SOD2: variants seen among roughly 807,000 people sequenced by gnomAD.
The protein encoded by SOD2 is superoxide dismutase [Mn], mitochondrial.
In SOD2, 11 loss-of-function variants were observed where a neutral mutation model predicts 27.0. The observed-to-expected ratio is 0.41, with a 90% CI of 0.26 to 0.67. SOD2 has a LOEUF of 0.67. Ranked by LOEUF, SOD2 falls within the 30% of genes least tolerant of loss-of-function variation. The pLI is 0.34. For synonymous variants in SOD2, 105 were observed against 103.0 expected (o/e 1.02, Z -0.12); for missense variants, 250 against 274.5 (o/e 0.91, Z 0.63).
rs978169915 is a variant in SOD2 at position 159,678,602 on chromosome 6, T to G, written c.*3891A>C. The G allele has an allele frequency of 6.6e-6, 1 of 152,218 alleles. No individual in the cohort carries two copies. Among genetic ancestry groups the G allele is most frequent in the Non-Finnish European group, 1.5e-5 (1 of 68,036 alleles). 9.4% of individuals were successfully genotyped at this position (152,218 alleles called of 1,614,324 possible). The stretch of plus-strand genomic sequence containing the variant: ...TAACCAATATGTAGTTTTAATAAAG[T>G]AATAAAATTAAAAATGGGTAAACAT... On this transcript the variant is annotated 3_prime_UTR_variant, in exon 5 of 5. Transcript: ENST00000538183.
upstream of SOD2, among the ~76,000 whole-genome samples, chr6:159,731,642 T>G (rs1190862370): frequency 6.6e-6 from 1 of 152,154 alleles, no homozygotes; most frequent in Non-Finnish European, 1.5e-5. Flanking sequence ...GAGTCTGTGT[T>G]TTTGATGGGG....
chr6:159,734,911 T>C (rs1245020869), intron 1 of SOD2, among the ~76,000 whole-genome samples: 2 of 152,184 alleles, frequency 1.3e-5, no homozygotes, highest in African/African-American at 4.8e-5. Context: ...TCTTTGTCTT[T>C]TTTTTGTGTG....
chr6:159,733,689 A>G (rs1421913932), intron 1 of SOD2, among the ~76,000 whole-genome samples: 4 of 151,814 alleles, frequency 2.6e-5, no homozygotes, highest in Non-Finnish European at 5.9e-5. Flanking sequence ...TGAGGTGGGC[A>G]GATCACCTGA....
At chr6:159,755,455 T>C in intron 1 of SOD2, 1 of 1,614,144 alleles carries the variant, frequency 6.2e-7, no homozygotes, top group Non-Finnish European at 8.5e-7. Flanking sequence ...CCACGGGCAG[T>C]GAAAACTCTC....
At chr6:159,732,886 A>AGTGTGTGTGTGTGTGTGTGTGT (rs67554039) in intron 1 of SOD2, among the ~76,000 whole-genome samples, 75 of 146,486 alleles carry the variant, frequency 5.1e-4, no homozygotes, top group African/African-American at 1.8e-3. Context: ...ATATATATAT[A>AGTGTGTGTGTGTGTGTGTGTGT]GTGTGTGTGT....
chr6:159,694,761 A>ATTTT (rs34851405), upstream of SOD2, among the ~76,000 whole-genome samples: 9 of 140,552 alleles, frequency 6.4e-5, no homozygotes, highest in African/African-American at 2.1e-4. Context: ...ACGCCCCACT[A>ATTTT]TTTTTTTTTT....
At chr6:159,725,460 A>AAC (rs1206168702) in intron 1 of SOD2, 1 of 150,502 alleles carries the variant, frequency 6.6e-6, no homozygotes, top group Non-Finnish European at 1.5e-5. Flanking sequence ...CAGCCTGGGC[A>AAC]ACACAGTGAG....
intron 1 of SOD2, chr6:159,713,174 C>T (rs550755650): frequency 8.3e-5 from 105 of 1,263,034 alleles, no homozygotes; most frequent in Non-Finnish European, 1.1e-4. Flanking sequence ...ATCTCCGTAT[C>T]TATGATCAGA....
rs201265156 is a variant in SOD2, at chr6:159,739,996, G to GT, written c.-116+5133dup. 7.9e-4 allele frequency among the ~76,000 whole-genome samples: 119 copies of GT among 150,914 alleles called. 1 individual carries two copies. The highest frequency in any genetic ancestry group is 3.2e-3 in the Admixed American group (49 of 15,172). On this transcript the variant is annotated intron_variant, in intron 1 of 3. Transcript: ENST00000537657. ...AAGATACACTACTACTCAATGCTGGGTTTTTTTTTGTTTGTTTTAATGTGC... is the reference window on the plus strand; with the variant it reads ...AAGATACACTACTACTCAATGCTGGGTTTTTTTTTTGTTTGTTTTAATGTGC...
At chr6:159,746,577 C>A (rs1779589789), upstream of SOD2, among the ~76,000 whole-genome samples, 1 of 152,114 alleles carries the variant, frequency 6.6e-6, no homozygotes, top group South Asian at 2.1e-4. Context: ...TTGCCAAGTA[C>A]ATCAGTAGTC....
chr6:159,684,906 T>C lies in SOD2; in HGVS notation c.471A>G (p.Gly157=), dbSNP rs1440438058. 8.1e-6 allele frequency: 13 copies of C among 1,613,424 alleles called. No homozygotes were observed. The highest frequency in any genetic ancestry group is 1.0e-5 in the Non-Finnish European group (12 of 1,179,688). ...TTGGACAAGCAGCAATTTGTAAGTG[T>C]CCCCGTTCCTTATTGAAACCAAGCC... The part of the protein sequence containing the change: ...WGWLGFNKER[G]HLQIAACPNQ... The change falls in exon 4 of 5, where the codon GGA becomes GGG. Residue 157 remains glycine, a synonymous_variant. Transcript: ENST00000538183.
chr6:159,746,626 C>T (rs934780016), upstream of SOD2, among the ~76,000 whole-genome samples: 5 of 152,124 alleles, frequency 3.3e-5, no homozygotes, highest in African/African-American at 1.2e-4. Context: ...AAATTAGCCA[C>T]GTAGTTACTA....
At chr6:159,736,291 A>G in intron 1 of SOD2, 1 of 1,605,410 alleles carries the variant, frequency 6.2e-7, no homozygotes, top group Non-Finnish European at 8.5e-7. Context: ...CCTCTTCCCA[A>G]GAAGGTATGG....
chr6:159,701,475 G>GCCCGAGGATCACCTGAGC (rs1777521828), intron 1 of SOD2, among the ~76,000 whole-genome samples: 1 of 151,718 alleles, frequency 6.6e-6, no homozygotes, highest in Admixed American at 6.6e-5. Context: ...GGAGGCTGAG[G>GCCCGAGGATCACCTGAGC]CCCGAGGATC....
chr6:159,687,463 C>T (rs187248967), intron 3 of SOD2, among the ~76,000 whole-genome samples: 62 of 149,278 alleles, frequency 4.2e-4, no homozygotes, highest in African/African-American at 1.5e-3. Context: ...CCAGCCTGGG[C>T]GACTGTAAGA....
At chr6:159,752,064 A>G (rs1045515815) in intron 1 of SOD2, among the ~76,000 whole-genome samples, 1 of 141,552 alleles carries the variant, frequency 7.1e-6, no homozygotes, top group African/African-American at 2.7e-5. Context: ...CCCCATCTCA[A>G]AAAAAAAAAA....
At chr6:159,692,908 C>G in intron 1 of SOD2, 45 bp from the exon 2 acceptor site, 2 of 1,499,440 alleles carry the variant, frequency 1.3e-6, no homozygotes, top group African/African-American at 1.4e-5. Flanking sequence ...GCCGCGGGAC[C>G]GTCTACGCAG....
In SOD2 at chr6:159,719,731, C is replaced by CTT. The variant is rs371158323; in HGVS notation, c.-116+7396_-116+7397dup. On this transcript the variant is annotated intron_variant, in intron 1 of 2. Transcript: ENST00000401980. ...GTATTATGGTTTTTTCTTTTATTTT[C>CTT]TTTTTTTTTTTTGAGAGAGTCTTAT... Among the ~76,000 whole-genome samples the CTT allele has an allele frequency of 3.2e-3, 457 of 141,326 alleles. 4 individuals carry two copies. The highest frequency in any genetic ancestry group is 3.7e-3 in the Non-Finnish European group (247 of 65,932). The allele number at this position is 141,326 out of a possible 152,430, so 92.7% of individuals were successfully genotyped here.
chr6:159,753,259 G>A (rs906207384), intron 1 of SOD2: 25 of 671,108 alleles, frequency 3.7e-5, no homozygotes, highest in Admixed American at 1.6e-4. Context: ...TTTTTGTTTA[G>A]GGTTTATTTT....
Sources: gnomAD v4.1 joint callset for allele counts (sites outside exome capture counted in the v4.1 genomes callset) on GRCh38, gnomAD v4.1.1 for gene constraint, MANE v1.5 for transcripts, NCBI Gene and HGNC (gene_info 2026-07-23, HGNC 2026-07-21) for gene names.